WASHC2C: variants seen among roughly 807,000 people sequenced by gnomAD.
The protein encoded by WASHC2C is WASH complex subunit 2C, also known as Vaccinia Penetration Factor.
Under a neutral mutation model 142.2 loss-of-function variants are expected in WASHC2C, and 73 were observed. The observed-to-expected ratio is 0.51, with a 90% CI of 0.43 to 0.62. WASHC2C has a LOEUF of 0.62. Ranked by LOEUF, WASHC2C falls within the 20% of genes least tolerant of loss-of-function variation. WASHC2C has a pLI of 0.00. For synonymous variants in WASHC2C, 337 were observed against 565.5 expected (o/e 0.60, Z 5.73); for missense variants, 969 against 1,531.7 (o/e 0.63, Z 6.13).
chr10:45,745,798 T>C (rs1350890166), intron 7 of WASHC2C, among the ~76,000 whole-genome samples: 1 of 151,964 alleles, frequency 6.6e-6, no homozygotes, highest in Non-Finnish European at 1.5e-5. Flanking sequence ...ACTTTAAGTT[T>C]TAGGGTACAT....
intron 8 of WASHC2C, among the ~76,000 whole-genome samples, chr10:45,749,295 C>T (rs559056284): frequency 1.3e-5 from 2 of 150,516 alleles, no homozygotes; most frequent in African/African-American, 2.5e-5. Flanking sequence ...ATTAGCCGGG[C>T]GTGGTGGCGG....
Position 45,777,318 on chromosome 10 carries a change from G to A in WASHC2C, c.2188G>A (p.Glu730Lys), listed in dbSNP as rs2057179346. 1 of 1,605,036 alleles carries A rather than the reference G, an allele frequency of 6.2e-7. No individual in the cohort carries two copies. The highest frequency in any genetic ancestry group is 1.1e-5 in the South Asian group (1 of 90,834). Residue 730 changes from glutamate (E) to lysine (K), a missense_variant, in exon 22 of 31, where the codon GAA (glutamate) becomes AAA (lysine). Physicochemically the swap from Glu to Lys is moderately conservative, Grantham distance 56 (BLOSUM62 1). Coordinates refer to ENST00000623400, the MANE Select transcript of WASHC2C (RefSeq NM_001330074.2). ...SEAPPLLFSD[E>K]EEKEAQLGVK... ...GGCACCACCTTTGCTGTTCAGCGAT[G>A]AAGAAGAGAAGGAGGCACAACTTGG... is the stretch of plus-strand genomic sequence containing the variant.
Position 45,736,864 on chromosome 10 carries a change from G to A in WASHC2C, c.292-1119G>A, listed in dbSNP as rs2051339284. ...AGTCCTTTAAAAAGTATACAATTTG[G>A]TGGTTTTTACTGTACTCAAAGTTTT... is the stretch of plus-strand genomic sequence containing the variant. On this transcript the variant is annotated intron_variant, in intron 3 of 30. Transcript: ENST00000623400. Among the ~76,000 whole-genome samples the A allele has an allele frequency of 2.0e-5, 3 of 151,834 alleles. No individual in the cohort carries two copies. The South Asian group carries it at 6.2e-4, about 32-fold the overall frequency.
At chr10:45,780,573 CTG>C (rs1289900505) in intron 23 of WASHC2C, among the ~76,000 whole-genome samples, 1 of 152,092 alleles carries the variant, frequency 6.6e-6, no homozygotes, top group Non-Finnish European at 1.5e-5. Context: ...ATGAAGCAAT[CTG>C]TATTTGCAGA....
intron 18 of WASHC2C, among the ~76,000 whole-genome samples, chr10:45,763,794 C>T (rs1392628178): frequency 1.8e-4 from 28 of 151,724 alleles, no homozygotes; most frequent in African/African-American, 5.3e-4. Flanking sequence ...TCACTGTAAC[C>T]GGGTTCAGGT....
intron 11 of WASHC2C, among the ~76,000 whole-genome samples, chr10:45,752,207 C>G: frequency 6.6e-6 from 1 of 152,248 alleles, no homozygotes; most frequent in Non-Finnish European, 1.5e-5. Context: ...TTAGACTTGT[C>G]CCTGTGTCAG....
chr10:45,765,068 G>T (rs1184720388), intron 18 of WASHC2C, among the ~76,000 whole-genome samples: 1 of 151,578 alleles, frequency 6.6e-6, no homozygotes, highest in Non-Finnish European at 1.5e-5. Flanking sequence ...TTTGGGGAGT[G>T]CTTGACCACA....
At chr10:45,737,746 T>G (rs2134197846) in intron 3 of WASHC2C, among the ~76,000 whole-genome samples, 1 of 152,136 alleles carries the variant, frequency 6.6e-6, no homozygotes, top group Non-Finnish European at 1.5e-5. Context: ...TTTCATCATG[T>G]TTCCTAGTCA....
intron 8 of WASHC2C, among the ~76,000 whole-genome samples, chr10:45,748,428 T>G (rs2053123458): frequency 6.6e-6 from 1 of 152,052 alleles, no homozygotes; most frequent in Admixed American, 6.6e-5. Context: ...TAGCTGGGAT[T>G]ATAGGCATGT....
chr10:45,740,828 A>G (rs1168915761), intron 5 of WASHC2C, among the ~76,000 whole-genome samples: 15 of 152,168 alleles, frequency 9.9e-5, no homozygotes, highest in East Asian at 1.9e-4. Flanking sequence ...ACATTGTTCA[A>G]AGAGACAATT....
intron 8 of WASHC2C, among the ~76,000 whole-genome samples, chr10:45,747,927 T>G (rs2053051893): frequency 7.2e-6 from 1 of 139,730 alleles, no homozygotes; most frequent in Non-Finnish European, 1.5e-5. Context: ...GTGAACTGTT[T>G]CTTCAGAATG....
intron 4 of WASHC2C, among the ~76,000 whole-genome samples, chr10:45,738,425 T>A (rs2051555231): frequency 6.6e-6 from 1 of 150,488 alleles, no homozygotes; most frequent in Non-Finnish European, 1.5e-5. Context: ...GCTAAGAGGT[T>A]CTGGGTCACA....
intron 23 of WASHC2C, among the ~76,000 whole-genome samples, chr10:45,780,080 T>C (rs560842590): frequency 6.6e-6 from 1 of 151,602 alleles, no homozygotes; most frequent in Non-Finnish European, 1.5e-5. Flanking sequence ...AAGCTAGATA[T>C]CCTTTATGAA....
At chr10:45,735,733 G>A (rs1312484391) in intron 3 of WASHC2C, among the ~76,000 whole-genome samples, 4 of 152,198 alleles carry the variant, frequency 2.6e-5, no homozygotes, top group African/African-American at 9.7e-5. Context: ...AGAATTTTGG[G>A]TCAGAGGATA....
intron 20 of WASHC2C, 87 bp downstream of exon 20, chr10:45,769,705 A>G (rs1554883932): frequency 3.2e-6 from 5 of 1,578,584 alleles, no homozygotes; most frequent in Non-Finnish European, 4.3e-6. Context: ...TCATCGGGTG[A>G]TTGCTAATCA....
chr10:45,738,598 G>C (rs1178132459), intron 4 of WASHC2C, among the ~76,000 whole-genome samples: 5 of 152,084 alleles, frequency 3.3e-5, no homozygotes, highest in Non-Finnish European at 7.4e-5. Flanking sequence ...ATTATTACTT[G>C]TAACAGATGA....
intron 20 of WASHC2C, among the ~76,000 whole-genome samples, chr10:45,771,180 C>T (rs2056545463): frequency 6.6e-6 from 1 of 151,864 alleles, no homozygotes; most frequent in Non-Finnish European, 1.5e-5. Flanking sequence ...GCCTGACCAA[C>T]ATGGTGAAAC....
intron 18 of WASHC2C, among the ~76,000 whole-genome samples, chr10:45,763,696 G>C (rs1554881032): frequency 6.6e-6 from 1 of 151,240 alleles, no homozygotes; most frequent in Non-Finnish European, 1.5e-5. Context: ...GAAGACATTA[G>C]ATTCTTGACG....
intron 17 of WASHC2C, among the ~76,000 whole-genome samples, chr10:45,763,116 C>G (rs2055343043): frequency 6.6e-6 from 1 of 151,988 alleles, no homozygotes; most frequent in African/African-American, 2.4e-5. Context: ...TTATTCCTGC[C>G]TTCTGTCATT....
Sources: gnomAD v4.1 joint callset for allele counts (sites outside exome capture counted in the v4.1 genomes callset) on GRCh38, gnomAD v4.1.1 for gene constraint, MANE v1.5 for transcripts, NCBI Gene and HGNC (gene_info 2026-07-23, HGNC 2026-07-21) for gene names.